NOX4: variants seen among roughly 807,000 people sequenced by gnomAD.
NOX4 encodes the protein kidney oxidase-1.
NOX4 carries 69 observed loss-of-function variants against 87.6 expected under a neutral mutation model. The observed-to-expected ratio is 0.79, with a 90% CI of 0.65 to 0.96. The LOEUF (loss-of-function observed/expected upper bound fraction) is 0.96. NOX4 is among the 40% of genes least tolerant of loss of function. The pLI, the probability that NOX4 is intolerant of heterozygous loss-of-function variation, is 0.00. For synonymous variants in NOX4, 275 were observed against 238.2 expected (o/e 1.15, Z -1.42); for missense variants, 680 against 681.5 (o/e 1.00, Z 0.02).
chr11:89,449,882 T>A (rs1447888918), intron 3 of NOX4, among the ~76,000 whole-genome samples: 1 of 152,200 alleles, frequency 6.6e-6, no homozygotes, highest in East Asian at 1.9e-4. Flanking sequence ...TCTGGCAGAA[T>A]AAGATTAGGG....
At chr11:89,364,544 A>G (rs1287971732) in intron 12 of NOX4, among the ~76,000 whole-genome samples, 1 of 152,124 alleles carries the variant, frequency 6.6e-6, no homozygotes, top group East Asian at 1.9e-4. Context: ...ACTGTCTTAC[A>G]TAAGGGGAAA....
chr11:89,474,510 C>T (rs1946084917), intron 2 of NOX4, among the ~76,000 whole-genome samples: 1 of 134,964 alleles, frequency 7.4e-6, no homozygotes, highest in Non-Finnish European at 1.6e-5. Context: ...TTGAGAAATG[C>T]AAAATAAATT....
Position 89,348,191 on chromosome 11 carries a change from G to A in NOX4, c.1218-5998C>T, listed in dbSNP as rs920077000. Among the ~76,000 whole-genome samples the A allele has an allele frequency of 9.2e-5, 14 of 152,228 alleles. 1 individual carries two copies. The South Asian group carries it at 1.9e-3, about 20-fold the overall frequency. On this transcript the variant is annotated intron_variant, in intron 13 of 17. Coordinates refer to ENST00000263317, the MANE Select transcript of NOX4 (RefSeq NM_016931.5). ...CCCACTTTGGGAGGTCAAGGCAGGC[G>A]GATCACCAGAATCAGGAGTTCAAGA...
At chr11:89,562,566 C>A in the NOX4 span, among the ~76,000 whole-genome samples, 21 of 152,224 alleles carry the variant, frequency 1.4e-4, no homozygotes, top group African/African-American at 5.1e-4. Flanking sequence ...TAAGATAAAT[C>A]AAAACTTGGT....
chr11:89,486,354 C>T (rs940864440), intron 2 of NOX4, among the ~76,000 whole-genome samples: 1 of 133,550 alleles, frequency 7.5e-6, no homozygotes, highest in African/African-American at 2.6e-5. Flanking sequence ...ATGCAGTGGC[C>T]CAATCATAGC....
In NOX4 at chr11:89,400,851, A is replaced by G. The variant is rs199562843; in HGVS notation, c.847-472T>C. Among the ~76,000 whole-genome samples, 4 of 52,238 alleles carry G rather than the reference A, an allele frequency of 7.7e-5. No homozygotes were observed. The East Asian group carries it at 2.9e-3, about 38-fold the overall frequency. The allele number at this position is 52,238 out of a possible 152,430, so 34.3% of individuals were successfully genotyped here. A position where few individuals can be genotyped will look rare whatever the true frequency, so the allele number is the denominator to read the frequency against. ...CATAATATACATACATATAATATGT[A>G]TATATATATATGTTAAATATGTATA... On this transcript the variant is annotated intron_variant, in intron 9 of 17. Transcript: ENST00000263317.
At chr11:89,432,704 G>T in intron 7 of NOX4, 80 bp downstream of exon 7, 2 of 993,762 alleles carry the variant, frequency 2.0e-6, no homozygotes, top group South Asian at 1.4e-5. Context: ...ACACTACAAT[G>T]GTTAAACATT....
the NOX4 span, among the ~76,000 whole-genome samples, chr11:89,531,513 C>T: frequency 2.0e-5 from 3 of 152,150 alleles, no homozygotes; most frequent in Non-Finnish European, 1.5e-5. Flanking sequence ...GCTTTGTGTA[C>T]CCAGCCAAAT....
chr11:89,558,153 A>G, the NOX4 span, among the ~76,000 whole-genome samples: 5 of 152,172 alleles, frequency 3.3e-5, no homozygotes, highest in Admixed American at 2.0e-4. Flanking sequence ...TACTTATGCA[A>G]AAGAGTCATT....
rs1408776373 is a variant in NOX4 at position 89,326,655 on chromosome 11, C to T, written c.*101G>A. ...AATAATCATAAATAAGAAAACCTTACTATTCTTTGGCATAACACAGCTGAT... is the reference window on the plus strand; with the variant it reads ...AATAATCATAAATAAGAAAACCTTATTATTCTTTGGCATAACACAGCTGAT... On this transcript the variant is annotated 3_prime_UTR_variant, in exon 18 of 18. Coordinates refer to ENST00000263317, the MANE Select transcript of NOX4 (RefSeq NM_016931.5). 4.2e-6 allele frequency: 4 copies of T among 943,610 alleles called. No homozygotes were observed. Among genetic ancestry groups the T allele is most frequent in the Non-Finnish European group, 6.2e-6 (4 of 642,038 alleles). The allele number at this position is 943,610 out of a possible 1,614,324, so 58.5% of individuals were successfully genotyped here. A position where few individuals can be genotyped will look rare whatever the true frequency, so the allele number is the denominator to read the frequency against.
the NOX4 span, among the ~76,000 whole-genome samples, chr11:89,564,754 GTT>G: frequency 1.3e-5 from 2 of 148,462 alleles, no homozygotes; most frequent in African/African-American, 4.9e-5. Flanking sequence ...TTTGTTTTTT[GTT>G]TTTTTTTTAA....
chr11:89,505,824 G>A, the NOX4 span, among the ~76,000 whole-genome samples: 1 of 151,742 alleles, frequency 6.6e-6, no homozygotes, highest in African/African-American at 2.4e-5. Flanking sequence ...AAATAGTAAA[G>A]CCAGAAATAT....
At chr11:89,402,616 A>T in intron 8 of NOX4, 74 bp from the exon 9 acceptor site, 1 of 1,214,402 alleles carries the variant, frequency 8.2e-7, no homozygotes, top group Non-Finnish European at 1.2e-6. Flanking sequence ...AAAAGAAAAT[A>T]ATGTTTTTGT....
intron 13 of NOX4, among the ~76,000 whole-genome samples, chr11:89,351,447 A>G (rs1265329845): frequency 3.9e-5 from 6 of 152,212 alleles, no homozygotes. Flanking sequence ...TGACTACACT[A>G]AACAACAGAT....
chr11:89,353,792 T>C lies in NOX4; in HGVS notation c.1217+1170A>G, dbSNP rs555889575. ...ATCATCAGCCTCTGCCAACAGCCAC[T>C]GTAAGTAAAAATACAAATAGGCGTG... On this transcript the variant is annotated intron_variant, in intron 13 of 17. Coordinates refer to ENST00000263317, the MANE Select transcript of NOX4 (RefSeq NM_016931.5). Among the ~76,000 whole-genome samples, 4 of 152,282 alleles carry C rather than the reference T, an allele frequency of 2.6e-5. No individual in the cohort carries two copies. In the South Asian group the frequency reaches 6.2e-4, roughly 24 times the overall value.
intron 2 of NOX4, among the ~76,000 whole-genome samples, chr11:89,453,667 C>G (rs1394687258): frequency 1.3e-5 from 2 of 152,038 alleles, no homozygotes; most frequent in African/African-American, 2.4e-5. Context: ...TTCTGCAACC[C>G]TAGGAAGTAA....
chr11:89,485,521 C>T (rs1591367745), intron 2 of NOX4, among the ~76,000 whole-genome samples: 2 of 152,054 alleles, frequency 1.3e-5, no homozygotes, highest in East Asian at 3.9e-4. Flanking sequence ...GTAAAAAACG[C>T]AACTCAAAAC....
At chr11:89,359,427 A>C (rs1216615023) in intron 12 of NOX4, among the ~76,000 whole-genome samples, 1 of 141,692 alleles carries the variant, frequency 7.1e-6, no homozygotes, top group Non-Finnish European at 1.5e-5. Flanking sequence ...GTCACCCTGG[A>C]TGGAGTGCAG....
Position 89,391,739 on chromosome 11 carries a change from C to CAA in NOX4, c.1074+8276_1074+8277dup, listed in dbSNP as rs11419337. Among the ~76,000 whole-genome samples the CAA allele has an allele frequency of 3.5e-3, 339 of 96,956 alleles. 1 individual carries two copies. The highest frequency in any genetic ancestry group is 0.017 in the Middle Eastern group (3 of 180). The allele number at this position is 96,956 out of a possible 152,430, so 63.6% of individuals were successfully genotyped here. ...TGGGTGACAGAGGCAGACCTTGTCT[C>CAA]AAAAAAAAAAAAAAAAAGAAAGAAA... On this transcript the variant is annotated intron_variant, in intron 11 of 17. Coordinates refer to ENST00000263317, the MANE Select transcript of NOX4 (RefSeq NM_016931.5).
Sources: gnomAD v4.1 joint callset for allele counts (sites outside exome capture counted in the v4.1 genomes callset) on GRCh38, gnomAD v4.1.1 for gene constraint, MANE v1.5 for transcripts, NCBI Gene and HGNC (gene_info 2026-07-23, HGNC 2026-07-21) for gene names.